Variants in TNRC6C observed in about 807,000 individuals in gnomAD.
TNRC6C encodes trinucleotide repeat-containing gene 6C protein.
TNRC6C carries 20 observed loss-of-function variants against 153.7 expected under a neutral mutation model. The ratio of observed to expected loss-of-function variants is 0.13; its 90% CI spans 0.09 to 0.19. The LOEUF is 0.19. Among genes scored for constraint, TNRC6C ranks in the 10% least tolerant of loss-of-function variants. TNRC6C has a pLI of 1.00. For missense variants in TNRC6C, 1,987 were observed against 2,172.0 expected, an observed-to-expected ratio of 0.91 and a Z score of 1.69; for synonymous variants, 811 against 841.4, an observed-to-expected ratio of 0.96 and a Z score of 0.63.
exon 11 of TNRC6C, chr17:78,083,094 C>A: frequency 6.2e-7 from 1 of 1,614,012 alleles, no homozygotes; most frequent in Non-Finnish European, 8.5e-7. Context: ...TTGGTCTCAA[C>A]CCTGCACTAT....
intron 1 of TNRC6C, among the ~76,000 whole-genome samples, chr17:78,022,680 A>G (rs1338158243): frequency 2.0e-5 from 3 of 152,134 alleles, no homozygotes; most frequent in Admixed American, 1.3e-4. Context: ...GTCCTTGCCT[A>G]ATTGTTTCCA....
chr17:77,971,004 GA>G (rs200122235), intron 1 of TNRC6C, among the ~76,000 whole-genome samples: 2 of 148,872 alleles, frequency 1.3e-5, no homozygotes, highest in African/African-American at 4.9e-5. Flanking sequence ...CCTTGTCTCA[GA>G]AAAAAAAAGA....
chr17:78,087,853 G>A (rs977779118), intron 13 of TNRC6C, among the ~76,000 whole-genome samples: 1 of 152,184 alleles, frequency 6.6e-6, no homozygotes, highest in African/African-American at 2.4e-5. Flanking sequence ...TCGAGGTCAG[G>A]CCAGTCAGGA....
intron 3 of TNRC6C, among the ~76,000 whole-genome samples, chr17:78,059,582 T>C (rs2072725111): frequency 6.6e-6 from 1 of 152,206 alleles, no homozygotes; most frequent in African/African-American, 2.4e-5. Context: ...ACACAGTGGC[T>C]CACGCCTGTA....
chr17:77,991,929 C>G (rs2071257231), intron 1 of TNRC6C, among the ~76,000 whole-genome samples: 2 of 152,186 alleles, frequency 1.3e-5, no homozygotes, highest in Admixed American at 6.5e-5. Context: ...CTCTCACTTA[C>G]TGTCTGTGTC....
chr17:78,050,019 C>T lies in TNRC6C; in HGVS notation c.957C>T (p.Gly319=), dbSNP rs566474602. Residue 319 remains glycine, a synonymous_variant, in exon 3 of 20, where the codon GGC becomes GGT. Coordinates refer to ENST00000301624, the Ensembl canonical transcript of TNRC6C. Reference sequence around the variant, plus strand: ...GGGGAAGGGGCAGTGGCAACAATGGCGTTGGTAATATCCATTCAGGAGCTT... The same window carrying T: ...GGGGAAGGGGCAGTGGCAACAATGGTGTTGGTAATATCCATTCAGGAGCTT... 1.5e-4 allele frequency: 240 copies of T among 1,613,272 alleles called. 1 individual carries two copies. Among genetic ancestry groups the T allele is most frequent in the South Asian group, 1.2e-3 (107 of 90,952 alleles).
intron 1 of TNRC6C, among the ~76,000 whole-genome samples, chr17:77,983,041 TC>T: frequency 6.6e-6 from 1 of 152,230 alleles, no homozygotes; most frequent in African/African-American, 2.4e-5. Flanking sequence ...AGATTCAGTG[TC>T]CCTATTTCTT....
intron 3 of TNRC6C, among the ~76,000 whole-genome samples, chr17:78,061,677 C>A (rs1330632259): frequency 6.6e-6 from 1 of 152,142 alleles, no homozygotes; most frequent in Non-Finnish European, 1.5e-5. Flanking sequence ...CGTAACAAGA[C>A]CCCATCTCTA....
chr17:78,083,725 T>C (rs1417058816), intron 11 of TNRC6C, among the ~76,000 whole-genome samples: 1 of 152,236 alleles, frequency 6.6e-6, no homozygotes, highest in Non-Finnish European at 1.5e-5. Flanking sequence ...CTTAGAGCAT[T>C]AGAACTTAAT....
intron 11 of TNRC6C, among the ~76,000 whole-genome samples, chr17:78,084,524 T>A (rs554261319): frequency 6.6e-6 from 1 of 151,760 alleles, no homozygotes; most frequent in African/African-American, 2.4e-5. Flanking sequence ...CAGAGACACA[T>A]GCTATGTGTC....
chr17:78,060,610 C>G (rs1181341857), intron 3 of TNRC6C, among the ~76,000 whole-genome samples: 1 of 151,536 alleles, frequency 6.6e-6, no homozygotes, highest in Non-Finnish European at 1.5e-5. Flanking sequence ...GTAGTGGGTA[C>G]TACTACAGGT....
intron 2 of TNRC6C, among the ~76,000 whole-genome samples, chr17:78,042,932 G>A (rs1302578263): frequency 5.3e-5 from 8 of 152,072 alleles, no homozygotes; most frequent in Admixed American, 3.3e-4. Context: ...TACAGTCCCC[G>A]GTTTGGGGGT....
chr17:77,990,232 G>T (rs1219864913), intron 1 of TNRC6C, among the ~76,000 whole-genome samples: 1 of 152,088 alleles, frequency 6.6e-6, no homozygotes, highest in Non-Finnish European at 1.5e-5. Flanking sequence ...CTCTTATATT[G>T]ACTGCAGTAG....
intron 1 of TNRC6C, chr17:78,011,893 C>A (rs1011563593): frequency 1.3e-5 from 2 of 152,204 alleles, no homozygotes; most frequent in Non-Finnish European, 2.9e-5. Context: ...TTGGCATTAA[C>A]CTAATGACTA....
chr17:78,069,780 A>G (rs1160701885), intron 5 of TNRC6C, among the ~76,000 whole-genome samples: 1 of 152,206 alleles, frequency 6.6e-6, no homozygotes, highest in Non-Finnish European at 1.5e-5. Context: ...AGCAAGGTGC[A>G]GAAAAACATG....
intron 1 of TNRC6C, among the ~76,000 whole-genome samples, chr17:77,979,607 CTAAAA>C (rs1387581172): frequency 6.6e-6 from 1 of 151,494 alleles, no homozygotes; most frequent in East Asian, 1.9e-4. Context: ...TGTTAAAAGT[CTAAAA>C]TACTTATAAT....
upstream of TNRC6C, among the ~76,000 whole-genome samples, chr17:78,001,784 G>A (rs148197226): frequency 1.8e-3 from 279 of 152,128 alleles, 1 homozygote; most frequent in African/African-American, 6.3e-3. Flanking sequence ...GGGTCATGGG[G>A]GGAGGAGATA....
chr17:78,097,763 C>G, intron 16 of TNRC6C: 1 of 1,550,418 alleles, frequency 6.4e-7, no homozygotes, highest in Non-Finnish European at 8.7e-7. Flanking sequence ...CCGCCATCAT[C>G]TCAGAATGCC....
At chr17:78,094,700 A>G (rs1375391313) in intron 16 of TNRC6C, among the ~76,000 whole-genome samples, 3 of 152,160 alleles carry the variant, frequency 2.0e-5, no homozygotes, top group Non-Finnish European at 4.4e-5. Context: ...TTGGCCTCCC[A>G]AAGTGCTGGG....
Sources: allele counts gnomAD v4.1 joint callset (sites outside exome capture counted in the v4.1 genomes callset), GRCh38; gene constraint gnomAD v4.1.1; transcripts MANE v1.5; gene names NCBI Gene and HGNC (gene_info 2026-07-23, HGNC 2026-07-21).